LAMA2: variants seen among roughly 807,000 people sequenced by gnomAD.
The protein encoded by LAMA2 is laminin subunit alpha 2.
A neutral mutation model predicts 364.8 loss-of-function variants in LAMA2; 269 were observed. That is an observed-to-expected ratio of 0.74 (90% CI 0.67 to 0.82). The LOEUF is 0.82. LAMA2 is among the 40% of genes least tolerant of loss of function. LAMA2 has a pLI of 0.00. For missense variants in LAMA2, 3,807 were observed against 3,873.2 expected, an observed-to-expected ratio of 0.98 and a Z score of 0.45; for synonymous variants, 1,379 against 1,370.6, an observed-to-expected ratio of 1.01 and a Z score of -0.14.
chr6:129,402,691 A>G (rs1780049748), intron 39 of LAMA2, among the ~76,000 whole-genome samples: 1 of 152,218 alleles, frequency 6.6e-6, no homozygotes, highest in Admixed American at 6.5e-5. Flanking sequence ...CTGATTTACA[A>G]GTAGACTCAA....
chr6:129,460,296 G>A lies in LAMA2; in HGVS notation c.6964G>A (p.Glu2322Lys). ...PIGLWNFREKEGDCKGCTVSP... is the reference protein window; with the variant it reads ...PIGLWNFREKKGDCKGCTVSP... ...AGGTTTGTGGAATTTCCGAGAAAAA[G>A]AAGGTGACTGCAAAGGATGCACTGT... The change falls in exon 49 of 65, where the codon GAA becomes AAA. Residue 2322 changes from glutamate (E) to lysine (K), a missense_variant. Transcript: ENST00000421865. 6.2e-7 allele frequency: 1 copy of A among 1,612,306 alleles called. No individual in the cohort carries two copies. The highest frequency in any genetic ancestry group is 8.5e-7 in the Non-Finnish European group (1 of 1,178,772).
At position 129,287,885 on chromosome 6, in the gene LAMA2, G is replaced by A. The variant is rs1002482702; in HGVS notation, c.2576G>A (p.Gly859Glu). 2 of 1,613,872 alleles carry A rather than the reference G, an allele frequency of 1.2e-6. No individual in the cohort carries two copies. The highest frequency in any genetic ancestry group is 1.3e-5 in the African/African-American group (1 of 74,872). ...EGYFGQPSVP[G>E]GSCQPCQCND... ...TATTTTGGACAACCCTCTGTACCTG[G>A]AGGATCATGTCAGCCATGCCAATGC... Residue 859 changes from glycine (G) to glutamate (E), a missense_variant, in exon 19 of 65, where the codon GGA becomes GAA. Transcript: ENST00000421865.
At chr6:129,414,518 T>G (rs1410145813) in intron 40 of LAMA2, among the ~76,000 whole-genome samples, 1 of 152,124 alleles carries the variant, frequency 6.6e-6, no homozygotes, top group Non-Finnish European at 1.5e-5. Context: ...AATAGAGGTG[T>G]CTGTATTAAT....
At chr6:129,210,986 A>G (rs936308050) in intron 12 of LAMA2, among the ~76,000 whole-genome samples, 4 of 152,176 alleles carry the variant, frequency 2.6e-5, no homozygotes, top group African/African-American at 9.7e-5. Context: ...CTCTACCTAC[A>G]TTATGTCCCC....
intron 14 of LAMA2, among the ~76,000 whole-genome samples, chr6:129,259,604 T>C (rs1786977354): frequency 6.6e-6 from 1 of 152,100 alleles, no homozygotes; most frequent in Admixed American, 6.6e-5. Context: ...TTGTAATGTT[T>C]TGTAGTAATT....
At chr6:129,514,633 T>C (rs1415771933) in intron 64 of LAMA2, 38 bp downstream of exon 64, 1 of 1,488,164 alleles carries the variant, frequency 6.7e-7, no homozygotes, top group African/African-American at 1.4e-5. Flanking sequence ...TTCTTTGCTC[T>C]CTTATGTTAC....
intron 1 of LAMA2, among the ~76,000 whole-genome samples, chr6:128,898,916 A>G (rs1387406443): frequency 1.3e-5 from 2 of 152,090 alleles, no homozygotes; most frequent in African/African-American, 4.8e-5. Flanking sequence ...GCATTGTTCC[A>G]TTAGATCCCT....
chr6:129,137,418 A>G (rs1269725688), intron 4 of LAMA2, among the ~76,000 whole-genome samples: 1 of 152,142 alleles, frequency 6.6e-6, no homozygotes, highest in East Asian at 1.9e-4. Flanking sequence ...TAAAAATATA[A>G]ATGGCTCTGC....
chr6:129,110,186 T>C (rs1346070982), intron 4 of LAMA2, among the ~76,000 whole-genome samples: 10 of 152,034 alleles, frequency 6.6e-5, no homozygotes, highest in Admixed American at 4.6e-4. Context: ...TTATAAACTG[T>C]TGTCAATAAT....
intron 1 of LAMA2, among the ~76,000 whole-genome samples, chr6:128,885,600 A>G (rs1051107960): frequency 1.3e-5 from 2 of 152,144 alleles, no homozygotes; most frequent in Admixed American, 6.5e-5. Context: ...TTTCCTGGCT[A>G]TGATCAACTT....
intron 4 of LAMA2, among the ~76,000 whole-genome samples, chr6:129,137,583 A>G (rs1777875966): frequency 2.0e-5 from 3 of 152,114 alleles, no homozygotes; most frequent in Admixed American, 1.3e-4. Flanking sequence ...AATTTATACT[A>G]GAATTTATGA....
At chr6:129,154,873 A>G (rs931537840) in intron 8 of LAMA2, among the ~76,000 whole-genome samples, 190 bp downstream of exon 8, 4 of 152,188 alleles carry the variant, frequency 2.6e-5, no homozygotes, top group East Asian at 3.8e-4. Context: ...CTTTTCCATC[A>G]CTCCAGAAAG....
intron 33 of LAMA2, 53 bp from the exon 34 acceptor site, chr6:129,369,839 T>A: frequency 7.0e-7 from 1 of 1,430,422 alleles, no homozygotes; most frequent in African/African-American, 1.4e-5. Flanking sequence ...TGTCGAACAC[T>A]ATCACTGCAA....
intron 32 of LAMA2, among the ~76,000 whole-genome samples, chr6:129,354,292 A>G (rs1777031437): frequency 6.6e-6 from 1 of 152,030 alleles, no homozygotes; most frequent in African/African-American, 2.4e-5. Context: ...AAAAGTTAAG[A>G]CTGGGTGTTA....
chr6:129,050,041 G>A lies in LAMA2; in HGVS notation c.236G>A (p.Arg79Lys), dbSNP rs760219197. Residue 79 changes from arginine (R) to lysine (K), a missense_variant, in exon 2 of 65, where the codon AGG (arginine) becomes AAG (lysine). Physicochemically the swap from Arg to Lys is conservative, Grantham distance 26. Coordinates refer to ENST00000421865, the MANE Select transcript of LAMA2 (RefSeq NM_000426.4). ...LVEHVPGQPVRNPQCRICNQN... is the reference protein window; with the variant it reads ...LVEHVPGQPVKNPQCRICNQN... ...GAACATGTCCCTGGGCAGCCTGTGA[G>A]GAACCCGCAGTGTCGAATCTGCAAT... 126 of 1,614,042 alleles carry A rather than the reference G, an allele frequency of 7.8e-5. 2 individuals carry two copies. In the South Asian group the frequency reaches 1.0e-3, roughly 13 times the overall value.
At chr6:128,941,398 A>G (rs1780145826) in intron 1 of LAMA2, among the ~76,000 whole-genome samples, 1 of 152,178 alleles carries the variant, frequency 6.6e-6, no homozygotes, top group Admixed American at 6.5e-5. Flanking sequence ...GTCAATCTGA[A>G]GGCTTTTGAA....
chr6:128,887,521 T>C (rs1776210484), intron 1 of LAMA2, among the ~76,000 whole-genome samples: 1 of 152,150 alleles, frequency 6.6e-6, no homozygotes, highest in African/African-American at 2.4e-5. Flanking sequence ...TGGTCTATCT[T>C]AAGATTTTTC....
intron 5 of LAMA2, among the ~76,000 whole-genome samples, chr6:129,145,250 G>C (rs936297750): frequency 3.3e-5 from 5 of 151,992 alleles, no homozygotes; most frequent in Non-Finnish European, 5.9e-5. Context: ...TTCTTTCCTC[G>C]TTACTTAACT....
chr6:129,212,633 G>C (rs758845985), intron 12 of LAMA2, among the ~76,000 whole-genome samples: 14 of 152,074 alleles, frequency 9.2e-5, no homozygotes, highest in Non-Finnish European at 1.8e-4. Flanking sequence ...AAAAGAATCA[G>C]CTATTTACTT....
Sources: gnomAD v4.1 joint callset for allele counts (sites outside exome capture counted in the v4.1 genomes callset) on GRCh38, gnomAD v4.1.1 for gene constraint, MANE v1.5 for transcripts, NCBI Gene and HGNC (gene_info 2026-07-23, HGNC 2026-07-21) for gene names.